ZKSCAN8: variants seen among roughly 807,000 people sequenced by gnomAD.
ZKSCAN8 encodes zinc finger protein with KRAB and SCAN domains 8.
A neutral mutation model predicts 57.2 loss-of-function variants in ZKSCAN8; 27 were observed. The observed-to-expected ratio is 0.47, with a 90% confidence interval of 0.35 to 0.65. The LOEUF (loss-of-function observed/expected upper bound fraction) is 0.65, where lower values mean the gene tolerates loss of function less well. Ranked by LOEUF, ZKSCAN8 falls within the 30% of genes least tolerant of loss-of-function variation. ZKSCAN8 has a pLI of 0.01. For synonymous variants in ZKSCAN8, 214 were observed against 248.7 expected (o/e 0.86, Z 1.31); for missense variants, 597 against 696.3 (o/e 0.86, Z 1.60).
intron 1 of ZKSCAN8, 191 bp downstream of exon 1, chr6:28,142,220 A>C (rs1765240250): frequency 6.6e-6 from 1 of 152,186 alleles, no homozygotes; most frequent in African/African-American, 2.4e-5. Context: ...ACTTTTTGCG[A>C]GGGAACCTTT....
rs147775187 is a variant in ZKSCAN8 at position 28,153,217 on chromosome 6, C to T, written c.937C>T (p.Arg313Trp). 1,497 of 1,614,112 alleles carry T rather than the reference C, an allele frequency of 9.3e-4. 23 individuals carry two copies. The Admixed American group carries it at 0.02, about 22-fold the overall frequency. ...CCTTCTGGGCAGATTAGAGAGGCAG[C>T]GGGGAAATCCCACACAAGAGAGACG... ...RDLLGRLERQ[R>W]GNPTQERRHK... The change falls in exon 6 of 6, where the codon CGG (arginine) becomes TGG (tryptophan). Residue 313 changes from arginine to tryptophan, a missense_variant. Arg to Trp is a moderately radical substitution (Grantham distance 101, BLOSUM62 -3). Coordinates refer to ENST00000330236, the MANE Select transcript of ZKSCAN8 (RefSeq NM_006298.4).
rs1765752470 is a variant in ZKSCAN8 at position 28,155,419 on chromosome 6, T to C, written c.*1402T>C. The C allele has an allele frequency of 6.6e-6, 1 of 152,222 alleles. No individual in the cohort carries two copies. The highest frequency in any genetic ancestry group is 2.1e-4 in the South Asian group (1 of 4,828). 9.4% of individuals were successfully genotyped at this position (152,222 alleles called of 1,614,324 possible). A position where few individuals can be genotyped will look rare whatever the true frequency, so the allele number is the denominator to read the frequency against. ...GTTATTCCCAAGTACTATTATTCCATACTACTATATTCTTCCAAATATTTG... is the reference window on the plus strand; with the variant it reads ...GTTATTCCCAAGTACTATTATTCCACACTACTATATTCTTCCAAATATTTG... On this transcript the variant is annotated 3_prime_UTR_variant, in exon 6 of 6. Coordinates refer to ENST00000330236, the MANE Select transcript of ZKSCAN8 (RefSeq NM_006298.4).
chr6:28,148,889 G>A (rs1765496096), intron 2 of ZKSCAN8, 65 bp downstream of exon 2: 1 of 1,531,844 alleles, frequency 6.5e-7, no homozygotes, highest in Admixed American at 2.0e-5. Context: ...GAGGGACATA[G>A]GCATCACAGT....
rs1765834472 is a variant in ZKSCAN8, at chr6:28,157,861, G to A, written c.*3844G>A. On this transcript the variant is annotated 3_prime_UTR_variant, in exon 6 of 6. Transcript: ENST00000330236. ...AATGAAATATCCATGTACCAGGCCA[G>A]GCAGATGGTCAGTTAGGATGACAAT... 1.3e-5 allele frequency: 2 copies of A among 152,122 alleles called. No individual in the cohort carries two copies. Among genetic ancestry groups the A allele is most frequent in the Admixed American group, 1.3e-4 (2 of 15,280 alleles). 9.4% of individuals were successfully genotyped at this position (152,122 alleles called of 1,614,324 possible). A position where few individuals can be genotyped will look rare whatever the true frequency, so the allele number is the denominator to read the frequency against.
At chr6:28,149,364 A>G in intron 2 of ZKSCAN8, 119 bp from the exon 3 acceptor site, 2 of 1,311,086 alleles carry the variant, frequency 1.5e-6, no homozygotes, top group African/African-American at 3.0e-5. Context: ...GAAGTGAGGA[A>G]GATTCTGCTG....
chr6:28,156,124 A>G lies in ZKSCAN8; in HGVS notation c.*2107A>G, dbSNP rs990515141. The stretch of plus-strand genomic sequence containing the variant: ...ACCTTGTATGCAAATATTACATATG[A>G]TGGGTGCATTGTCAGAGGGAAAATA... On this transcript the variant is annotated 3_prime_UTR_variant, in exon 6 of 6. Transcript: ENST00000330236. 5.0e-6 allele frequency: 2 copies of G among 398,232 alleles called. No individual in the cohort carries two copies. Among genetic ancestry groups the G allele is most frequent in the African/African-American group, 2.1e-5 (1 of 48,600 alleles). The allele number at this position is 398,232 out of a possible 1,614,324, so 24.7% of individuals were successfully genotyped here.
rs774472720 is a variant in ZKSCAN8 at position 28,152,371 on chromosome 6, C to T, written c.762C>T (p.Asn254=). ...ATAACAGGCCAGAAAATTTCAGAAA[C>T]ATGTTCTCCCTGGGTAAGGAGAGGT... The part of the protein sequence containing the change: ...CRDNRPENFR[N]MFSLGGETRS... The change falls in exon 5 of 6, where the codon AAC becomes AAT. Residue 254 remains asparagine, a synonymous_variant. Transcript: ENST00000330236. 6.2e-7 allele frequency: 1 copy of T among 1,607,228 alleles called. No individual in the cohort carries two copies. Among genetic ancestry groups the T allele is most frequent in the South Asian group, 1.1e-5 (1 of 89,352 alleles).
At chr6:28,148,258 ATAGT>A in intron 1 of ZKSCAN8, 54 bp from the exon 2 acceptor site, 1 of 775,148 alleles carries the variant, frequency 1.3e-6, no homozygotes, top group Non-Finnish European at 2.0e-6. Context: ...TTAAGATACC[ATAGT>A]TAGTTACAAT....
At chr6:28,142,723 GTTGT>G (rs554266707) in intron 1 of ZKSCAN8, among the ~76,000 whole-genome samples, 2 of 152,000 alleles carry the variant, frequency 1.3e-5, no homozygotes, top group Non-Finnish European at 1.5e-5. Flanking sequence ...ACATATTTCT[GTTGT>G]TTGTTAGTTC....
intron 5 of ZKSCAN8, 115 bp downstream of exon 5, chr6:28,152,499 G>A: frequency 7.5e-7 from 1 of 1,334,416 alleles, no homozygotes; most frequent in Non-Finnish European, 1.0e-6. Flanking sequence ...TCAGGATCCA[G>A]CAGAGGGATA....
rs549740955 is a variant in ZKSCAN8, at chr6:28,149,613, C to G, written c.548C>G (p.Ser183Ter). The G allele has an allele frequency of 6.2e-7, 1 of 1,613,754 alleles. No homozygotes were observed. The highest frequency in any genetic ancestry group is 1.3e-5 in the African/African-American group (1 of 74,940). Residue 183 changes from serine to a stop codon, truncating the protein, a stop_gained, in exon 3 of 6, where the codon TCA becomes TGA. Coordinates refer to ENST00000330236, the MANE Select transcript of ZKSCAN8 (RefSeq NM_006298.4). LOFTEE classifies it high-confidence loss of function. Reference protein sequence around the residue: ...TQHKSPVPQESQERAMSTSQS... With the variant: ...TQHKSPVPQE ...CATAAATCTCCAGTGCCCCAAGAGT[C>G]ACAAGAGAGAGGTGAGTAGCCAGAT...
intron 1 of ZKSCAN8, among the ~76,000 whole-genome samples, chr6:28,147,045 G>T (rs895284318): frequency 4.0e-5 from 6 of 151,890 alleles, no homozygotes; most frequent in Non-Finnish European, 7.4e-5. Context: ...CAAAAGCACA[G>T]TCAATTAAAA....
chr6:28,157,634 A>G lies in ZKSCAN8; in HGVS notation c.*3617A>G, dbSNP rs1395500648. The G allele has an allele frequency of 6.6e-6, 1 of 152,176 alleles. No individual in the cohort carries two copies. Among genetic ancestry groups the G allele is most frequent in the Non-Finnish European group, 1.5e-5 (1 of 68,042 alleles). The allele number at this position is 152,176 out of a possible 1,614,324, so 9.4% of individuals were successfully genotyped here. A position where few individuals can be genotyped will look rare whatever the true frequency, so the allele number is the denominator to read the frequency against. On this transcript the variant is annotated 3_prime_UTR_variant, in exon 6 of 6. Transcript: ENST00000330236. ...AGAATGTGCAGTAGAGTGCAAATAC[A>G]TTACAATTACTGGAAAATTGGTGGA...
In ZKSCAN8 at chr6:28,148,784, T is replaced by G. The variant is rs766034667; in HGVS notation, c.377T>G (p.Leu126Ter). The change falls in exon 2 of 6, where the codon TTA becomes TGA. Residue 126 changes from leucine (L) to a stop codon, truncating the protein, a stop_gained. Transcript: ENST00000330236. LOFTEE classifies it high-confidence loss of function. ...LENGEEVVTLLEDLERQIDIL... is the reference protein window; with the variant it reads ...LENGEEVVTL ...AACGGAGAGGAGGTGGTGACCCTAT[T>G]AGAGGATTTGGAAAGGCAGATTGAT... 1.2e-6 allele frequency: 2 copies of G among 1,613,778 alleles called. No individual in the cohort carries two copies. Among genetic ancestry groups the G allele is most frequent in the Non-Finnish European group, 1.7e-6 (2 of 1,179,948 alleles).
At position 28,157,545 on chromosome 6, in the gene ZKSCAN8, A is replaced by G. The variant is rs1444874866; in HGVS notation, c.*3528A>G. On this transcript the variant is annotated 3_prime_UTR_variant, in exon 6 of 6. Coordinates refer to ENST00000330236, the MANE Select transcript of ZKSCAN8 (RefSeq NM_006298.4). ...TACTGTGCTAAGGTGTGTATAATGA[A>G]CATGGTAATTCTAACCAGCTTTTTA... 1 of 152,228 alleles carries G rather than the reference A, an allele frequency of 6.6e-6. No individual in the cohort carries two copies. Among genetic ancestry groups the G allele is most frequent in the Non-Finnish European group, 1.5e-5 (1 of 68,052 alleles). 9.4% of individuals were successfully genotyped at this position (152,228 alleles called of 1,614,324 possible).
At chr6:28,147,432 A>G (rs937752466) in intron 1 of ZKSCAN8, among the ~76,000 whole-genome samples, 4 of 152,242 alleles carry the variant, frequency 2.6e-5, no homozygotes, top group Admixed American at 6.5e-5. Context: ...AGTTTCTTAT[A>G]AAGTTATACA....
intron 5 of ZKSCAN8, 90 bp from the exon 6 acceptor site, chr6:28,152,965 TC>T: frequency 6.5e-7 from 1 of 1,533,712 alleles, no homozygotes. Context: ...ATGTGTACTT[TC>T]CTTTTCCCCT....
rs1765871390 is a variant in ZKSCAN8 at position 28,158,888 on chromosome 6, A to C, written c.*4871A>C. 1 of 152,138 alleles carries C rather than the reference A, an allele frequency of 6.6e-6. No homozygotes were observed. The highest frequency in any genetic ancestry group is 6.5e-5 in the Admixed American group (1 of 15,274). 9.4% of individuals were successfully genotyped at this position (152,138 alleles called of 1,614,324 possible). ...CATTTTTACAATATCTCTATTGTAA[A>C]ATTTCATTTTCACTAAGTAACACCC... On this transcript the variant is annotated 3_prime_UTR_variant, in exon 6 of 6. Coordinates refer to ENST00000330236, the MANE Select transcript of ZKSCAN8 (RefSeq NM_006298.4).
At position 28,157,133 on chromosome 6, in the gene ZKSCAN8, G is replaced by A. The variant is rs139406811; in HGVS notation, c.*3116G>A. On this transcript the variant is annotated 3_prime_UTR_variant, in exon 6 of 6. Coordinates refer to ENST00000330236, the MANE Select transcript of ZKSCAN8 (RefSeq NM_006298.4). ...ATGGCTGGGGACGCCTCACAATCAT[G>A]GTGGAAGGCAAGGAGGAGCAAATCA... The A allele has an allele frequency of 8.5e-5, 13 of 152,714 alleles. No individual in the cohort carries two copies. The East Asian group carries it at 2.5e-3, about 29-fold the overall frequency. 9.5% of individuals were successfully genotyped at this position (152,714 alleles called of 1,614,324 possible).
Sources: allele counts gnomAD v4.1 joint callset (sites outside exome capture counted in the v4.1 genomes callset), GRCh38; gene constraint gnomAD v4.1.1; transcripts MANE v1.5; gene names NCBI Gene and HGNC (gene_info 2026-07-23, HGNC 2026-07-21).